Variants in RUSF1 observed in about 807,000 individuals in gnomAD.
RUSF1 encodes RUS family member 1, also known as RUS1 family protein C16orf58.
In RUSF1, 58 loss-of-function variants were observed where a neutral mutation model predicts 63.0. The observed-to-expected ratio is 0.92, with a 90% confidence interval of 0.75 to 1.15. The LOEUF (loss-of-function observed/expected upper bound fraction) is 1.15, where lower values mean the gene tolerates loss of function less well. Ranked by LOEUF, RUSF1 falls within the 50% of genes most tolerant of loss-of-function variation. The pLI is 0.00. For synonymous variants in RUSF1, 274 were observed against 255.8 expected, an observed-to-expected ratio of 1.07 and a Z score of -0.68; for missense variants, 652 against 611.0, an observed-to-expected ratio of 1.07 and a Z score of -0.71.
Position 31,489,808 on chromosome 16 carries a change from C to T in RUSF1, c.*1027G>A, listed in dbSNP as rs1371909196. The T allele has an allele frequency of 2.1e-6, 1 of 465,374 alleles. No homozygotes were observed. The highest frequency in any genetic ancestry group is 4.0e-6 in the Non-Finnish European group (1 of 251,508). The allele number at this position is 465,374 out of a possible 1,614,324, so 28.8% of individuals were successfully genotyped here. A position where few individuals can be genotyped will look rare whatever the true frequency, so the allele number is the denominator to read the frequency against. ...GCACACAGGCACAGAACACTGTGAG[C>T]AGGACTGCCAGGCCAGTGTCACAAG... is the stretch of plus-strand genomic sequence containing the variant. On this transcript the variant is annotated 3_prime_UTR_variant, in exon 13 of 13. Transcript: ENST00000327237.
In RUSF1 at chr16:31,492,170, C is replaced by A. The variant is rs757157074; in HGVS notation, c.1231+27G>T. ...CTCTCTCCTCCCCACCCTGAGGCAT[C>A]AGCAGTCTAAATCTTGAGGCACTTA... is the stretch of plus-strand genomic sequence containing the variant. On this transcript the variant is annotated intron_variant, in intron 11 of 12. Coordinates refer to ENST00000327237, the MANE Select transcript of RUSF1 (RefSeq NM_022744.4). 5 of 1,610,474 alleles carry A rather than the reference C, an allele frequency of 3.1e-6. No homozygotes were observed. In the East Asian group the frequency reaches 1.1e-4, roughly 36 times the overall value.
chr16:31,506,129 A>C (rs2082657509), intron 2 of RUSF1, among the ~76,000 whole-genome samples: 1 of 152,236 alleles, frequency 6.6e-6, no homozygotes, highest in South Asian at 2.1e-4. Context: ...GGGGACGCTA[A>C]CCAACCAGAT....
chr16:31,496,780 G>C, intron 6 of RUSF1, 69 bp downstream of exon 6: 1 of 1,336,622 alleles, frequency 7.5e-7, no homozygotes, highest in East Asian at 2.7e-5. Flanking sequence ...GGGCCCTCCA[G>C]GGCACTCAAG....
At chr16:31,499,790 G>C (rs1051657573) in intron 3 of RUSF1, among the ~76,000 whole-genome samples, 1 of 152,126 alleles carries the variant, frequency 6.6e-6, no homozygotes, top group Non-Finnish European at 1.5e-5. Context: ...TCTTGTGGCT[G>C]CTCCCCAGCC....
At chr16:31,507,924 G>A (rs772181024) in intron 1 of RUSF1, 46 bp from the exon 2 acceptor site, 11 of 1,544,324 alleles carry the variant, frequency 7.1e-6, no homozygotes, top group African/African-American at 1.4e-5. Flanking sequence ...TAGGAGCGTG[G>A]CGGTCTAAGT....
chr16:31,504,203 CT>C (rs899663572), intron 2 of RUSF1, among the ~76,000 whole-genome samples: 48 of 146,642 alleles, frequency 3.3e-4, no homozygotes, highest in South Asian at 4.3e-4. Flanking sequence ...CCTGGCCTTT[CT>C]TTTTTTTTTT....
At chr16:31,497,223 C>T (rs926007184) in intron 5 of RUSF1, among the ~76,000 whole-genome samples, 17 of 151,808 alleles carry the variant, frequency 1.1e-4, no homozygotes, top group Admixed American at 9.8e-4. Context: ...GCCCAGAACT[C>T]CCAGCCCTCC....
chr16:31,492,688 C>T (rs996036689), intron 10 of RUSF1, among the ~76,000 whole-genome samples: 3 of 152,228 alleles, frequency 2.0e-5, no homozygotes, highest in East Asian at 1.9e-4. Context: ...TGGTTTCCCA[C>T]GGACAGCAAA....
chr16:31,504,672 G>A (rs745714812), intron 2 of RUSF1, among the ~76,000 whole-genome samples: 2 of 152,212 alleles, frequency 1.3e-5, no homozygotes, highest in African/African-American at 2.4e-5. Flanking sequence ...AGAAACAGCC[G>A]ATGGTGAAAT....
intron 6 of RUSF1, among the ~76,000 whole-genome samples, chr16:31,494,393 C>T (rs536533099): frequency 2.0e-5 from 3 of 151,962 alleles, no homozygotes; most frequent in East Asian, 3.9e-4. Context: ...GGTATGGTGG[C>T]GCGTGCCTCT....
At position 31,497,154 on chromosome 16, in the gene RUSF1, A is replaced by G. The variant is rs78453429; in HGVS notation, c.601-204T>C. 6.3e-3 allele frequency among the ~76,000 whole-genome samples: 951 copies of G among 152,032 alleles called. 15 individuals carry two copies. Among genetic ancestry groups the G allele is most frequent in the African/African-American group, 0.022 (912 of 41,450 alleles). On this transcript the variant is annotated intron_variant, in intron 5 of 12. Coordinates refer to ENST00000327237, the MANE Select transcript of RUSF1 (RefSeq NM_022744.4). Reference sequence around the variant, plus strand: ...CCCACCTGCCACTATCACCTTGGGGACTGGCCTCACAGAAGCTCAATTTCA... The same window carrying G: ...CCCACCTGCCACTATCACCTTGGGGGCTGGCCTCACAGAAGCTCAATTTCA...
At chr16:31,498,716 C>T (rs1332523050) in intron 5 of RUSF1, among the ~76,000 whole-genome samples, 1 of 152,172 alleles carries the variant, frequency 6.6e-6, no homozygotes, top group Non-Finnish European at 1.5e-5. Context: ...GCTCCATCTC[C>T]ACCTCGCCTC....
intron 12 of RUSF1, 27 bp from the exon 13 acceptor site, chr16:31,490,959 G>A (rs781192516): frequency 1.4e-5 from 23 of 1,607,284 alleles, no homozygotes; most frequent in African/African-American, 8.0e-5. Flanking sequence ...GGGTGCTGCC[G>A]GGAATGCTGG....
intron 2 of RUSF1, among the ~76,000 whole-genome samples, chr16:31,505,873 T>C (rs2082656186): frequency 6.6e-6 from 1 of 152,198 alleles, no homozygotes. Flanking sequence ...TAAAATATGG[T>C]GTCCAGTAAC....
Position 31,489,769 on chromosome 16 carries a change from A to G in RUSF1, c.*1066T>C. The G allele has an allele frequency of 2.2e-6, 1 of 448,354 alleles. No homozygotes were observed. The highest frequency in any genetic ancestry group is 2.1e-5 in the South Asian group (1 of 47,900). The allele number at this position is 448,354 out of a possible 1,614,324, so 27.8% of individuals were successfully genotyped here. A position where few individuals can be genotyped will look rare whatever the true frequency, so the allele number is the denominator to read the frequency against. On this transcript the variant is annotated 3_prime_UTR_variant, in exon 13 of 13. Coordinates refer to ENST00000327237, the MANE Select transcript of RUSF1 (RefSeq NM_022744.4). ...ATGGCCGGGTTTCTGCAGCAGCAGG[A>G]GGAAAGGGTGGGAGCACACAGGCAC... is the stretch of plus-strand genomic sequence containing the variant.
chr16:31,493,056 G>A lies in RUSF1; in HGVS notation c.1017-8C>T, dbSNP rs770844776. 9.3e-6 allele frequency: 15 copies of A among 1,613,562 alleles called. No homozygotes were observed. The East Asian group carries it at 3.3e-4, about 36-fold the overall frequency. ...TGCTGCAGCTCAAAGACACTGTGGG[G>A]GAGAGGACAGTGCAGTGGGGGTGGA... On this transcript the variant is annotated splice_polypyrimidine_tract_variant and splice_region_variant and intron_variant, in intron 9 of 12. Transcript: ENST00000327237.
In RUSF1 at chr16:31,493,777, C is replaced by A. The variant is rs188888421; in HGVS notation, c.784G>T (p.Gly262Ter). 1.9e-6 allele frequency: 3 copies of A among 1,614,186 alleles called. No homozygotes were observed. In the Admixed American group the frequency reaches 5.0e-5, roughly 27 times the overall value. The change falls in exon 8 of 13, where the codon GGA becomes TGA. Residue 262 changes from glycine to a stop codon, truncating the protein, a stop_gained. Transcript: ENST00000327237. LOFTEE classifies it high-confidence loss of function. ...AGGGCAGTGAGGAAGAAGAAACATC[C>A]AAGGCTGAAGCTGGGGTGAGAGAGT... ...LVSGCPGFSLGCFFFLTALHI... is the reference protein window; with the variant it reads ...LVSGCPGFSL
intron 2 of RUSF1, 45 bp from the exon 3 acceptor site, chr16:31,500,776 G>A: frequency 6.3e-7 from 1 of 1,587,016 alleles, no homozygotes; most frequent in African/African-American, 1.3e-5. Context: ...AGAGGTGTGG[G>A]AGCTGTGGGG....
rs2082551423 is a variant in RUSF1, at chr16:31,490,251, G to A, written c.*584C>T. 6.2e-7 allele frequency: 1 copy of A among 1,613,976 alleles called. No individual in the cohort carries two copies. Among genetic ancestry groups the A allele is most frequent in the African/African-American group, 1.3e-5 (1 of 74,940 alleles). ...GAATGGTAGGGCACCATGCTGGGAG[G>A]TGGGGCTGGAGGAGCTGAGTTCCCG... is the stretch of plus-strand genomic sequence containing the variant. On this transcript the variant is annotated 3_prime_UTR_variant, in exon 13 of 13. Coordinates refer to ENST00000327237, the MANE Select transcript of RUSF1 (RefSeq NM_022744.4).
Sources: allele counts gnomAD v4.1 joint callset (sites outside exome capture counted in the v4.1 genomes callset), GRCh38; gene constraint gnomAD v4.1.1; transcripts MANE v1.5; gene names NCBI Gene and HGNC (gene_info 2026-07-23, HGNC 2026-07-21).